The following ZNF558 variants were observed in gnomAD, a reference collection of about 807,000 sequenced individuals.
ZNF558 encodes the protein zinc finger protein 558.
Under a neutral mutation model 37.6 loss-of-function variants are expected in ZNF558, and 23 were observed. The ratio of observed to expected loss-of-function variants is 0.61; its 90% confidence interval spans 0.44 to 0.87. The LOEUF (loss-of-function observed/expected upper bound fraction) is 0.87. ZNF558 is among the 40% of genes least tolerant of loss of function. The probability of loss-of-function intolerance (pLI) is 0.00; values close to 1 mark genes in which losing one functional copy is unlikely to be tolerated. For synonymous variants in ZNF558, 189 were observed against 174.4 expected, an observed-to-expected ratio of 1.08 and a Z score of -0.66; for missense variants, 429 against 483.7, an observed-to-expected ratio of 0.89 and a Z score of 1.06.
upstream of ZNF558, among the ~76,000 whole-genome samples, chr19:8,835,048 GT>G (rs777643019): frequency 0.023 from 3,254 of 142,182 alleles, 37 homozygotes; most frequent in African/African-American, 0.033. Context: ...TGAACAAAGA[GT>G]TTTTTTTTTT....
At chr19:8,824,806 G>A (rs1329644597) in intron 3 of ZNF558, among the ~76,000 whole-genome samples, 196 bp downstream of exon 3, 1 of 152,084 alleles carries the variant, frequency 6.6e-6, no homozygotes, top group African/African-American at 2.4e-5. Flanking sequence ...AGCCTGATGT[G>A]GCATCTTCTG....
At position 8,813,162 on chromosome 19, in the gene ZNF558, G is replaced by A; in HGVS notation, c.308C>T (p.Thr103Ile). The change falls in exon 8 of 10, where the codon ACA becomes ATA. Residue 103 changes from threonine (T) to isoleucine (I), a missense_variant. By Grantham distance (89) the Thr-to-Ile change is moderately conservative (BLOSUM62 -1). Coordinates refer to ENST00000601372, the MANE Select transcript of ZNF558 (RefSeq NM_144693.3). The part of the protein sequence containing the change: ...SQLEQDKKVV[T>I]EERGILPSTC... The stretch of plus-strand genomic sequence containing the variant: ...GCTTGGTAGAATTCCTCTTTCCTCT[G>A]TCACCACCTTCTTGTCTTGTTCCAA... 1 of 1,598,964 alleles carries A rather than the reference G, an allele frequency of 6.3e-7. No homozygotes were observed. The highest frequency in any genetic ancestry group is 8.5e-7 in the Non-Finnish European group (1 of 1,172,118).
At chr19:8,835,864 A>G (rs1047408012), upstream of ZNF558, among the ~76,000 whole-genome samples, 2 of 152,254 alleles carry the variant, frequency 1.3e-5, no homozygotes, top group Non-Finnish European at 2.9e-5. Context: ...TACATATTCC[A>G]TGGATGAACC....
upstream of ZNF558, among the ~76,000 whole-genome samples, chr19:8,836,690 C>T (rs2044459628): frequency 6.6e-6 from 1 of 152,124 alleles, no homozygotes; most frequent in Admixed American, 6.6e-5. Flanking sequence ...CAGGGACTCG[C>T]CACACCACAG....
At position 8,811,995 on chromosome 19, in the gene ZNF558, A is replaced by G. The variant is rs782686139; in HGVS notation, c.495T>C (p.Ser165=). The change falls in exon 10 of 10, where the codon TCT becomes TCC. Residue 165 remains serine (S), a synonymous_variant. Transcript: ENST00000601372. ...NQCFKVFSTK[S]NLTQHKRIHT... is the part of the protein sequence containing the mutation. ...GAATTCTCTTGTGCTGAGTTAGGTTAGATTTCGTGCTGAAGACTTTAAAAC... is the reference window on the plus strand; with the variant it reads ...GAATTCTCTTGTGCTGAGTTAGGTTGGATTTCGTGCTGAAGACTTTAAAAC... 1 of 1,613,658 alleles carries G rather than the reference A, an allele frequency of 6.2e-7. No homozygotes were observed. Among genetic ancestry groups the G allele is most frequent in the South Asian group, 1.1e-5 (1 of 91,004 alleles).
intron 7 of ZNF558, among the ~76,000 whole-genome samples, chr19:8,813,983 G>A (rs1169640067): frequency 1.3e-5 from 2 of 152,224 alleles, no homozygotes; most frequent in African/African-American, 4.8e-5. Context: ...CTTGAAAGAA[G>A]TGATGACAGT....
At chr19:8,812,813 T>C (rs1472885873) in intron 8 of ZNF558, among the ~76,000 whole-genome samples, 170 bp from the exon 9 acceptor site, 1 of 152,074 alleles carries the variant, frequency 6.6e-6, no homozygotes, top group Non-Finnish European at 1.5e-5. Context: ...TCTAGACAAA[T>C]TGAGATTGAT....
At chr19:8,821,482 C>T (rs2044089577) in intron 6 of ZNF558, 176 bp from the exon 7 acceptor site, 1 of 1,467,836 alleles carries the variant, frequency 6.8e-7, no homozygotes, top group South Asian at 1.4e-5. Context: ...TTCTGAGCTC[C>T]TCTCCTGGGG....
At chr19:8,832,519 G>C (rs2044387348), upstream of ZNF558, 1 of 153,082 alleles carries the variant, frequency 6.5e-6, no homozygotes, top group Non-Finnish European at 1.5e-5. Context: ...GGGCAGTAGC[G>C]GGGGTAAGGT....
intron 7 of ZNF558, among the ~76,000 whole-genome samples, chr19:8,816,213 T>G (rs1301937579): frequency 6.6e-6 from 1 of 152,046 alleles, no homozygotes; most frequent in Non-Finnish European, 1.5e-5. Context: ...ACCATAGGTG[T>G]GCACCAGCAC....
At chr19:8,835,939 TTAAA>T (rs1377938917), upstream of ZNF558, among the ~76,000 whole-genome samples, 1 of 152,204 alleles carries the variant, frequency 6.6e-6, no homozygotes, top group East Asian at 1.9e-4. Context: ...ATAATTCAAT[TTAAA>T]TAAAATTTCC....
At chr19:8,816,162 G>A (rs2043934164) in intron 7 of ZNF558, among the ~76,000 whole-genome samples, 2 of 152,134 alleles carry the variant, frequency 1.3e-5, no homozygotes, top group African/African-American at 4.8e-5. Context: ...AATCTCCTGG[G>A]GTCAAGCAAT....
At chr19:8,832,622 G>C (rs890830771), upstream of ZNF558, 1 of 152,614 alleles carries the variant, frequency 6.6e-6, no homozygotes, top group African/African-American at 2.4e-5. Flanking sequence ...GGGGCTGAAG[G>C]CGGGGAACCG....
the ZNF558 span, among the ~76,000 whole-genome samples, chr19:8,837,388 A>G: frequency 1.3e-5 from 2 of 152,256 alleles, no homozygotes; most frequent in African/African-American, 4.8e-5. Flanking sequence ...ATGTCAATGT[A>G]CATTTAGTTA....
At chr19:8,832,942 G>C (rs2044398526), upstream of ZNF558, 1 of 151,574 alleles carries the variant, frequency 6.6e-6, no homozygotes, top group African/African-American at 2.5e-5. Flanking sequence ...GTGATTGGCA[G>C]AGAGCAGTTC....
At chr19:8,835,676 T>C (rs2044447828), upstream of ZNF558, among the ~76,000 whole-genome samples, 1 of 124,838 alleles carries the variant, frequency 8.0e-6, no homozygotes, top group African/African-American at 2.8e-5. Context: ...ATTTCCAGTA[T>C]ATGCCCAAGA....
chr19:8,818,893 T>A (rs951770877), intron 7 of ZNF558, among the ~76,000 whole-genome samples: 1 of 152,194 alleles, frequency 6.6e-6, no homozygotes, highest in Non-Finnish European at 1.5e-5. Flanking sequence ...TATGGCCACA[T>A]AATTTTCAAT....
At chr19:8,826,689 G>C (rs577105873) in intron 2 of ZNF558, among the ~76,000 whole-genome samples, 4 of 152,304 alleles carry the variant, frequency 2.6e-5, no homozygotes, top group African/African-American at 9.6e-5. Context: ...CCGTGGCCCA[G>C]GGGCTGGGGA....
intron 1 of ZNF558, 159 bp downstream of exon 1, chr19:8,832,050 C>T (rs945200853): frequency 6.6e-6 from 1 of 152,360 alleles, no homozygotes; most frequent in Non-Finnish European, 1.5e-5. Flanking sequence ...GGGCCCCGAC[C>T]CAGGAGCAAG....
Sources: allele counts gnomAD v4.1 joint callset (sites outside exome capture counted in the v4.1 genomes callset), GRCh38; gene constraint gnomAD v4.1.1; transcripts MANE v1.5; gene names NCBI Gene and HGNC (gene_info 2026-07-23, HGNC 2026-07-21).